TNIK: variants seen among roughly 807,000 people sequenced by gnomAD.
The protein encoded by TNIK is TRAF2 and NCK-interacting protein kinase.
Under a neutral mutation model 191.3 loss-of-function variants are expected in TNIK, and 49 were observed. The observed-to-expected ratio is 0.26, with a 90% CI of 0.20 to 0.32. The LOEUF (loss-of-function observed/expected upper bound fraction) is 0.32. TNIK is among the 10% of genes least tolerant of loss of function. TNIK has a pLI of 1.00. For missense variants in TNIK, 1,155 were observed against 1,702.3 expected, an observed-to-expected ratio of 0.68 and a Z score of 5.66; for synonymous variants, 594 against 600.9, an observed-to-expected ratio of 0.99 and a Z score of 0.17.
intron 27 of TNIK, among the ~76,000 whole-genome samples, chr3:171,080,172 A>T (rs1488091897): frequency 6.6e-6 from 1 of 152,202 alleles, no homozygotes. Flanking sequence ...AAATAGGAAA[A>T]AAAGGATGCA....
intron 1 of TNIK, among the ~76,000 whole-genome samples, chr3:171,404,182 T>C (rs1172273017): frequency 6.6e-6 from 1 of 152,184 alleles, no homozygotes; most frequent in Non-Finnish European, 1.5e-5. Flanking sequence ...TCTATGAGAA[T>C]TTTGACCATG....
intron 2 of TNIK, among the ~76,000 whole-genome samples, chr3:171,267,967 C>G (rs1415208086): frequency 2.0e-5 from 3 of 152,184 alleles, no homozygotes; most frequent in Admixed American, 6.5e-5. Context: ...CCCAGAGCCT[C>G]AGCCACCCTT....
At chr3:171,217,885 T>C (rs1050737520) in intron 3 of TNIK, among the ~76,000 whole-genome samples, 1 of 152,106 alleles carries the variant, frequency 6.6e-6, no homozygotes, top group African/African-American at 2.4e-5. Context: ...ATAGAAACAT[T>C]TTCCTGGCAG....
chr3:171,155,940 CCTCT>C (rs1733113236), intron 12 of TNIK, among the ~76,000 whole-genome samples: 3 of 152,284 alleles, frequency 2.0e-5, no homozygotes, highest in Admixed American at 6.5e-5. Flanking sequence ...AAGTTATTAA[CCTCT>C]CTAAGACTCA....
intron 2 of TNIK, among the ~76,000 whole-genome samples, chr3:171,359,464 T>C (rs1364650299): frequency 1.1e-4 from 17 of 152,162 alleles, no homozygotes; most frequent in Non-Finnish European, 1.8e-4. Context: ...CTGCTACACT[T>C]GTCTGCCTTT....
chr3:171,341,289 A>G (rs1206037471), intron 2 of TNIK, among the ~76,000 whole-genome samples: 1 of 151,882 alleles, frequency 6.6e-6, no homozygotes, highest in Non-Finnish European at 1.5e-5. Context: ...ACTGGCTAAC[A>G]TGGTGAAACC....
At chr3:171,182,537 T>G (rs896688585) in intron 7 of TNIK, among the ~76,000 whole-genome samples, 1 of 152,164 alleles carries the variant, frequency 6.6e-6, no homozygotes, top group African/African-American at 2.4e-5. Context: ...TCCAGAGGTG[T>G]TGTGCAGCCT....
intron 7 of TNIK, among the ~76,000 whole-genome samples, chr3:171,188,216 T>C (rs1737607776): frequency 6.6e-6 from 1 of 152,168 alleles, no homozygotes; most frequent in Non-Finnish European, 1.5e-5. Context: ...CATAAAGTAG[T>C]CACCAATATT....
At chr3:171,284,498 A>C (rs564810639) in intron 2 of TNIK, among the ~76,000 whole-genome samples, 1 of 152,232 alleles carries the variant, frequency 6.6e-6, no homozygotes, top group East Asian at 1.9e-4. Context: ...CCGTCTTTAG[A>C]ACTCCCCACA....
intron 7 of TNIK, among the ~76,000 whole-genome samples, chr3:171,181,545 CAT>C (rs1736648682): frequency 6.6e-6 from 1 of 152,236 alleles, no homozygotes; most frequent in Non-Finnish European, 1.5e-5. Flanking sequence ...AGGGATGTGA[CAT>C]AGTTTTCTCC....
intron 2 of TNIK, among the ~76,000 whole-genome samples, chr3:171,330,048 T>A (rs947821133): frequency 6.6e-6 from 1 of 152,224 alleles, no homozygotes; most frequent in African/African-American, 2.4e-5. Context: ...CAACTTCCAT[T>A]AGGCAGTTCT....
At chr3:171,302,387 A>G (rs755683912) in intron 2 of TNIK, among the ~76,000 whole-genome samples, 10 of 152,176 alleles carry the variant, frequency 6.6e-5, no homozygotes, top group African/African-American at 9.7e-5. Flanking sequence ...CAGAAAGTGG[A>G]TAACTTCTCA....
intron 2 of TNIK, among the ~76,000 whole-genome samples, chr3:171,293,137 G>A (rs1751876073): frequency 6.6e-6 from 1 of 152,180 alleles, no homozygotes; most frequent in Non-Finnish European, 1.5e-5. Flanking sequence ...GGAAAGGTTA[G>A]TGTGTTCAAA....
Position 171,404,031 on chromosome 3 carries a change from G to A in TNIK, c.58-34346C>T, listed in dbSNP as rs144483243. Among the ~76,000 whole-genome samples, 795 of 152,244 alleles carry A rather than the reference G, an allele frequency of 5.2e-3. 10 individuals carry two copies. Among genetic ancestry groups the A allele is most frequent in the Non-Finnish European group, 8.1e-3 (549 of 68,020 alleles). On this transcript the variant is annotated intron_variant, in intron 1 of 32. Coordinates refer to ENST00000436636, the MANE Select transcript of TNIK (RefSeq NM_015028.4). ...AAAATCAGTGAAGATAAGAGAAGTG[G>A]GAGAAGCATCTTCAATTTATCAAAG... is the stretch of plus-strand genomic sequence containing the variant.
rs948244778 is a variant in TNIK at position 171,146,481 on chromosome 3, G to T, written c.1222-5972C>A. 2.0e-5 allele frequency among the ~76,000 whole-genome samples: 3 copies of T among 152,164 alleles called. No individual in the cohort carries two copies. The South Asian group carries it at 6.2e-4, about 31-fold the overall frequency. On this transcript the variant is annotated intron_variant, in intron 12 of 32. Coordinates refer to ENST00000436636, the MANE Select transcript of TNIK (RefSeq NM_015028.4). The stretch of plus-strand genomic sequence containing the variant: ...CAATGCAACGTGTCATTGGGATAGA[G>T]GGGTAGGCAAGAGAGGCAACAGGGC...
intron 1 of TNIK, among the ~76,000 whole-genome samples, chr3:171,427,036 T>C (rs1724729559): frequency 6.6e-6 from 1 of 152,158 alleles, no homozygotes; most frequent in South Asian, 2.1e-4. Context: ...GCATAAAATT[T>C]GGGAGCTGGA....
intron 12 of TNIK, among the ~76,000 whole-genome samples, chr3:171,145,322 A>G (rs890666713): frequency 6.6e-6 from 1 of 151,944 alleles, no homozygotes; most frequent in African/African-American, 2.4e-5. Context: ...TCCTGACCTC[A>G]TGATCCGCCC....
At chr3:171,138,791 A>C (rs1730384385) in intron 14 of TNIK, among the ~76,000 whole-genome samples, 1 of 152,192 alleles carries the variant, frequency 6.6e-6, no homozygotes, top group Non-Finnish European at 1.5e-5. Context: ...CAAACTAAGC[A>C]GCCAAAGATA....
intron 4 of TNIK, among the ~76,000 whole-genome samples, chr3:171,204,820 G>C (rs1038620147): frequency 1.3e-5 from 2 of 152,150 alleles, no homozygotes; most frequent in Non-Finnish European, 2.9e-5. Flanking sequence ...TATTTTTCAT[G>C]ACCAAAGGAG....
Sources: gnomAD v4.1 joint callset for allele counts (sites outside exome capture counted in the v4.1 genomes callset) on GRCh38, gnomAD v4.1.1 for gene constraint, MANE v1.5 for transcripts, NCBI Gene and HGNC (gene_info 2026-07-23, HGNC 2026-07-21) for gene names.